STS: variants seen among roughly 807,000 people sequenced by gnomAD.
STS encodes the protein steryl-sulfatase.
A neutral mutation model predicts 26.8 loss-of-function variants in STS; 7 were observed. The observed-to-expected ratio is 0.26, with a 90% CI of 0.15 to 0.49. STS has a LOEUF of 0.49. Among genes scored for constraint, STS ranks in the 20% least tolerant of loss-of-function variants. The probability of loss-of-function intolerance (pLI) is 0.98; values close to 1 mark genes in which losing one functional copy is unlikely to be tolerated. For missense variants in STS, 434 were observed against 465.6 expected, an observed-to-expected ratio of 0.93 and a Z score of 0.63; for synonymous variants, 199 against 189.4, an observed-to-expected ratio of 1.05 and a Z score of -0.42.
Position 7,344,615 on chromosome X carries a change from C to T in STS, c.1364-5273C>T, listed in dbSNP as rs546166032. ...TCACGTTTGGCCAGAATGGGCCATG[C>T]GGCCTTTCTGACTTCAAGGAAGCTG... On this transcript the variant is annotated intron_variant, in intron 10 of 10. Coordinates refer to ENST00000674429, the MANE Select transcript of STS (RefSeq NM_001320752.2). 5.4e-5 allele frequency among the ~76,000 whole-genome samples: 6 copies of T among 111,661 alleles called. No homozygotes were observed. In the South Asian group the frequency reaches 1.1e-3, roughly 21 times the overall value.
At chrX:7,150,249 T>C (rs1932985173) in intron 1 of STS, among the ~76,000 whole-genome samples, 1 of 111,512 alleles carries the variant, frequency 9.0e-6, no homozygotes, top group Admixed American at 9.5e-5. Context: ...TGAGACAGAG[T>C]CTCACTCTGT....
At chrX:7,232,009 C>T (rs1922084179) in intron 2 of STS, among the ~76,000 whole-genome samples, 1 of 111,377 alleles carries the variant, frequency 9.0e-6, no homozygotes, top group Admixed American at 9.5e-5. Flanking sequence ...TTCAACTGGC[C>T]ACATATGTCT....
At chrX:7,215,622 A>G (rs1430763860) in intron 2 of STS, among the ~76,000 whole-genome samples, 1 of 111,393 alleles carries the variant, frequency 9.0e-6, no homozygotes, top group Non-Finnish European at 1.9e-5. Flanking sequence ...AACGGCATCC[A>G]TAGGCTGTCT....
At chrX:7,161,017 G>A in intron 1 of STS, among the ~76,000 whole-genome samples, 1 of 111,354 alleles carries the variant, frequency 9.0e-6, no homozygotes, top group Non-Finnish European at 1.9e-5. Context: ...GTGCAGTGGT[G>A]CGATCTCAGC....
intron 2 of STS, among the ~76,000 whole-genome samples, chrX:7,195,187 G>C (rs1403127423): frequency 8.9e-6 from 1 of 111,956 alleles, no homozygotes; most frequent in East Asian, 2.8e-4. Flanking sequence ...TATTCAGCAC[G>C]TGGGAGATTT....
intron 1 of STS, among the ~76,000 whole-genome samples, chrX:7,161,122 ATTTT>A (rs62693360): frequency 1.0e-5 from 1 of 97,809 alleles, no homozygotes; most frequent in Non-Finnish European, 2.1e-5. Context: ...TGCCTGGCTA[ATTTT>A]TTTTTTTTTT....
intron 2 of STS, among the ~76,000 whole-genome samples, chrX:7,252,685 C>G (rs1293224108): frequency 8.9e-6 from 1 of 112,092 alleles, no homozygotes; most frequent in Non-Finnish European, 1.9e-5. Context: ...GATTCCATCA[C>G]CTGTTATTCT....
intron 2 of STS, among the ~76,000 whole-genome samples, chrX:7,251,039 C>A (rs1923116334): frequency 8.9e-6 from 1 of 112,345 alleles, no homozygotes. Context: ...GATGGTCATA[C>A]AACTGCACAT....
At chrX:7,209,558 A>G (rs1920980595) in intron 2 of STS, among the ~76,000 whole-genome samples, 1 of 104,267 alleles carries the variant, frequency 9.6e-6, no homozygotes, top group Non-Finnish European at 2.0e-5. Context: ...CGAATAGATG[A>G]ATACCACAGA....
chrX:7,252,974 G>A (rs1601687525), intron 2 of STS, among the ~76,000 whole-genome samples: 1 of 111,220 alleles, frequency 9.0e-6, no homozygotes, highest in Non-Finnish European at 1.9e-5. Flanking sequence ...AACATAACAA[G>A]ACCTTATCTT....
At chrX:7,348,243 A>G (rs1287077997) in intron 10 of STS, among the ~76,000 whole-genome samples, 1 of 112,246 alleles carries the variant, frequency 8.9e-6, no homozygotes, top group Non-Finnish European at 1.9e-5. Context: ...GTCCAAGGTT[A>G]GGGGCGATTT....
chrX:7,340,455 T>A (rs1386562154), intron 10 of STS, among the ~76,000 whole-genome samples: 1 of 112,224 alleles, frequency 8.9e-6, no homozygotes, highest in East Asian at 2.8e-4. Context: ...TTATAGACGT[T>A]TCCGTTTGTT....
intron 2 of STS, among the ~76,000 whole-genome samples, chrX:7,238,301 G>A (rs746097664): frequency 5.4e-5 from 6 of 110,907 alleles, no homozygotes; most frequent in Non-Finnish European, 3.8e-5. Flanking sequence ...TAGATTCAGA[G>A]AAAAAGCATC....
chrX:7,226,031 C>T (rs1921788380), intron 2 of STS, among the ~76,000 whole-genome samples: 2 of 111,709 alleles, frequency 1.8e-5, no homozygotes, highest in South Asian at 7.6e-4. Context: ...GTAAAATGCA[C>T]AGATCTTCAA....
At chrX:7,289,527 G>A (rs1465557570) in intron 7 of STS, among the ~76,000 whole-genome samples, 7 of 111,498 alleles carry the variant, frequency 6.3e-5, no homozygotes, top group Non-Finnish European at 1.3e-4. Context: ...CAGTGAGGAG[G>A]GAGCAGCTGG....
intron 10 of STS, among the ~76,000 whole-genome samples, chrX:7,341,691 T>A (rs1230488703): frequency 1.8e-5 from 2 of 111,846 alleles, no homozygotes; most frequent in Non-Finnish European, 3.8e-5. Context: ...CCGAGGGGAC[T>A]GTGGAGTGTA....
At chrX:7,241,495 G>C (rs1922615511) in intron 2 of STS, among the ~76,000 whole-genome samples, 1 of 111,731 alleles carries the variant, frequency 9.0e-6, no homozygotes, top group Non-Finnish European at 1.9e-5. Context: ...TTTTTACATG[G>C]TTGCTGAGCA....
chrX:7,215,116 TACAC>T (rs112212398), intron 2 of STS, among the ~76,000 whole-genome samples: 13 of 80,807 alleles, frequency 1.6e-4, no homozygotes, highest in South Asian at 1.1e-3. Context: ...TACACATATA[TACAC>T]ACACACACAC....
intron 2 of STS, among the ~76,000 whole-genome samples, chrX:7,227,878 C>T (rs1004128283): frequency 5.4e-5 from 6 of 111,180 alleles, no homozygotes; most frequent in Non-Finnish European, 1.1e-4. Context: ...CCCATTTTCC[C>T]TTCCCCTATC....
Sources: allele counts gnomAD v4.1 joint callset (sites outside exome capture counted in the v4.1 genomes callset), GRCh38; gene constraint gnomAD v4.1.1; transcripts MANE v1.5; gene names NCBI Gene and HGNC (gene_info 2026-07-23, HGNC 2026-07-21).